The following CACNA2D1 variants were observed in gnomAD, a reference collection of about 807,000 sequenced individuals.
The protein encoded by CACNA2D1 is calcium voltage-gated channel auxiliary subunit alpha2delta 1, also known as voltage-dependent calcium channel subunit alpha-2/delta-1.
CACNA2D1 carries 53 observed loss-of-function variants against 171.5 expected under a neutral mutation model. That is an observed-to-expected ratio of 0.31 (90% CI 0.25 to 0.39). The LOEUF (loss-of-function observed/expected upper bound fraction) is 0.39. CACNA2D1 is among the 10% of genes least tolerant of loss of function. The probability of loss-of-function intolerance (pLI) is 1.00; values close to 1 mark genes in which losing one functional copy is unlikely to be tolerated. For synonymous variants in CACNA2D1, 442 were observed against 443.1 expected (o/e 1.00, Z 0.03); for missense variants, 903 against 1,299.8 (o/e 0.69, Z 4.69).
chr7:82,230,860 C>T (rs963327735), intron 3 of CACNA2D1, among the ~76,000 whole-genome samples: 2 of 152,086 alleles, frequency 1.3e-5, no homozygotes, highest in African/African-American at 2.4e-5. Context: ...GAGAAAGAAG[C>T]TTGGATTTTA....
chr7:82,166,871 G>A (rs1029943938), intron 4 of CACNA2D1, among the ~76,000 whole-genome samples: 1 of 152,072 alleles, frequency 6.6e-6, no homozygotes, highest in Admixed American at 6.6e-5. Context: ...GAATGGAGCT[G>A]AGAGAGAGTG....
intron 1 of CACNA2D1, among the ~76,000 whole-genome samples, chr7:82,393,699 A>G (rs1166601298): frequency 6.6e-6 from 1 of 152,224 alleles, no homozygotes; most frequent in Non-Finnish European, 1.5e-5. Context: ...TATTTATACT[A>G]AAGCTTTCAT....
chr7:82,348,331 G>A (rs908583774), intron 2 of CACNA2D1, among the ~76,000 whole-genome samples: 12 of 151,914 alleles, frequency 7.9e-5, no homozygotes, highest in Admixed American at 1.3e-4. Context: ...CCCAAGCATC[G>A]GCACACAATA....
intron 3 of CACNA2D1, among the ~76,000 whole-genome samples, chr7:82,206,515 A>G (rs951556741): frequency 2.0e-5 from 3 of 152,132 alleles, no homozygotes; most frequent in Non-Finnish European, 4.4e-5. Context: ...TTAGATACTT[A>G]GGAAACAAAA....
At chr7:82,062,818 G>A (rs1213742693) in intron 9 of CACNA2D1, among the ~76,000 whole-genome samples, 1 of 127,718 alleles carries the variant, frequency 7.8e-6, no homozygotes, top group East Asian at 2.5e-4. Flanking sequence ...ACAACTCACT[G>A]TAGCCCCCAT....
At chr7:82,403,338 T>A (rs1454739948) in intron 1 of CACNA2D1, among the ~76,000 whole-genome samples, 3 of 152,184 alleles carry the variant, frequency 2.0e-5, no homozygotes, top group Admixed American at 6.5e-5. Flanking sequence ...ATTTTTTTGG[T>A]AGCAAAAGAC....
chr7:82,323,612 C>G (rs1320888873), intron 3 of CACNA2D1, among the ~76,000 whole-genome samples: 1 of 152,188 alleles, frequency 6.6e-6, no homozygotes, highest in African/African-American at 2.4e-5. Flanking sequence ...AATTTCTTAA[C>G]AAGAGCCTCA....
intron 4 of CACNA2D1, among the ~76,000 whole-genome samples, chr7:82,149,281 G>C (rs971798433): frequency 6.6e-6 from 1 of 152,100 alleles, no homozygotes; most frequent in African/African-American, 2.4e-5. Flanking sequence ...GATGTTCACT[G>C]ACTGGTTTTT....
intron 3 of CACNA2D1, among the ~76,000 whole-genome samples, chr7:82,322,714 T>C (rs1282322545): frequency 1.3e-5 from 2 of 152,208 alleles, no homozygotes; most frequent in Non-Finnish European, 1.5e-5. Context: ...ATAAATCGTA[T>C]CAGGAGATTT....
intron 3 of CACNA2D1, among the ~76,000 whole-genome samples, chr7:82,219,548 G>A (rs769028754): frequency 2.6e-5 from 4 of 152,022 alleles, no homozygotes; most frequent in Non-Finnish European, 4.4e-5. Context: ...ACAAAGAATT[G>A]TAGTCTAATT....
chr7:82,114,969 T>C (rs1375829332), intron 6 of CACNA2D1, among the ~76,000 whole-genome samples: 1 of 152,130 alleles, frequency 6.6e-6, no homozygotes, highest in Non-Finnish European at 1.5e-5. Flanking sequence ...TTGTGGACAT[T>C]TATAAATTAC....
At chr7:82,193,672 C>G (rs186546234) in intron 3 of CACNA2D1, among the ~76,000 whole-genome samples, 61 of 152,032 alleles carry the variant, frequency 4.0e-4, no homozygotes, top group African/African-American at 1.4e-3. Context: ...TACAATGTTT[C>G]GCAGGTTTGC....
At chr7:82,026,444 A>G (rs1339862898) in intron 12 of CACNA2D1, among the ~76,000 whole-genome samples, 1 of 151,770 alleles carries the variant, frequency 6.6e-6, no homozygotes, top group Non-Finnish European at 1.5e-5. Flanking sequence ...GCATTCAAAC[A>G]TAGAATTTTT....
chr7:82,098,299 T>C (rs1812176371), intron 6 of CACNA2D1, among the ~76,000 whole-genome samples: 1 of 152,298 alleles, frequency 6.6e-6, no homozygotes, highest in East Asian at 1.9e-4. Flanking sequence ...AATGGCAAAA[T>C]GTGCCTTTTG....
intron 4 of CACNA2D1, among the ~76,000 whole-genome samples, chr7:82,138,386 C>A (rs992223507): frequency 6.7e-6 from 1 of 149,950 alleles, no homozygotes; most frequent in Non-Finnish European, 1.5e-5. Flanking sequence ...TTTTAACATG[C>A]ATAAAAATTC....
intron 1 of CACNA2D1, among the ~76,000 whole-genome samples, chr7:82,410,815 C>T (rs1018075453): frequency 6.6e-6 from 1 of 152,184 alleles, no homozygotes; most frequent in Admixed American, 6.5e-5. Flanking sequence ...CTTTCTATAT[C>T]CCTCACTTTC....
intron 6 of CACNA2D1, among the ~76,000 whole-genome samples, chr7:82,105,686 CAT>C (rs1172741095): frequency 1.3e-5 from 2 of 152,036 alleles, no homozygotes; most frequent in African/African-American, 4.8e-5. Context: ...AATGTATTTC[CAT>C]ATGAGGGACG....
intron 1 of CACNA2D1, among the ~76,000 whole-genome samples, chr7:82,395,634 C>A (rs1243240638): frequency 6.6e-6 from 1 of 152,068 alleles, no homozygotes. Flanking sequence ...TGGATATGAA[C>A]AATAGCTGAG....
chr7:82,129,799 C>T (rs1213019241), intron 5 of CACNA2D1, among the ~76,000 whole-genome samples: 3 of 152,316 alleles, frequency 2.0e-5, no homozygotes, highest in Non-Finnish European at 4.4e-5. Context: ...TATCTAGTCT[C>T]AAGACTGGGA....
Sources: allele counts gnomAD v4.1 joint callset (sites outside exome capture counted in the v4.1 genomes callset), GRCh38; gene constraint gnomAD v4.1.1; transcripts MANE v1.5; gene names NCBI Gene and HGNC (gene_info 2026-07-23, HGNC 2026-07-21).